Variants in ECM2 observed in about 807,000 individuals in gnomAD.
ECM2 encodes the protein extracellular matrix protein 2, also known as extracellular matrix protein 2, female organ and adipocyte specific.
In ECM2, 57 loss-of-function variants were observed where a neutral mutation model predicts 67.5. The ratio of observed to expected loss-of-function variants is 0.84; its 90% confidence interval spans 0.68 to 1.05. ECM2 has a LOEUF of 1.05. ECM2 is among the 50% of genes least tolerant of loss of function. ECM2 has a pLI of 0.00. For synonymous variants in ECM2, 258 were observed against 294.5 expected, an observed-to-expected ratio of 0.88 and a Z score of 1.27; for missense variants, 741 against 822.8, an observed-to-expected ratio of 0.90 and a Z score of 1.22.
chr9:92,552,001 T>C, the ECM2 span, among the ~76,000 whole-genome samples: 6 of 141,218 alleles, frequency 4.2e-5, no homozygotes, highest in Admixed American at 4.3e-4. Context: ...GTGATATATA[T>C]GTGTATATAT....
the ECM2 span, among the ~76,000 whole-genome samples, chr9:92,558,143 A>G: frequency 6.6e-6 from 1 of 152,090 alleles, no homozygotes; most frequent in Non-Finnish European, 1.5e-5. Flanking sequence ...TTTCAGATAA[A>G]TCACAGATTT....
the ECM2 span, among the ~76,000 whole-genome samples, chr9:92,545,521 T>G: frequency 8.0e-6 from 1 of 125,730 alleles, no homozygotes; most frequent in Admixed American, 7.9e-5. Context: ...CCGCCAAGAC[T>G]GAGCCTCCCG....
At chr9:92,552,163 TATATGTGATATGATAGATCTATCATATAC>T in the ECM2 span, among the ~76,000 whole-genome samples, 1 of 136,870 alleles carries the variant, frequency 7.3e-6, no homozygotes, top group Non-Finnish European at 1.6e-5. Flanking sequence ...ATCTATCATA[TATATGTGATATGATAGATCTATCATATAC>T]ACACACACAC....
At chr9:92,526,274 T>C (rs1210784577) in intron 1 of ECM2, among the ~76,000 whole-genome samples, 1 of 152,204 alleles carries the variant, frequency 6.6e-6, no homozygotes, top group African/African-American at 2.4e-5. Context: ...GAAAAAAGCT[T>C]ACAAAATTAC....
chr9:92,520,577 T>A (rs1048770618), intron 2 of ECM2, among the ~76,000 whole-genome samples: 4 of 152,138 alleles, frequency 2.6e-5, no homozygotes, highest in African/African-American at 9.7e-5. Flanking sequence ...AATATAGAAT[T>A]ACCAAATGGC....
the ECM2 span, among the ~76,000 whole-genome samples, chr9:92,553,408 T>A: frequency 6.6e-6 from 1 of 152,220 alleles, no homozygotes; most frequent in Non-Finnish European, 1.5e-5. Flanking sequence ...TGGTTACATA[T>A]GAATTTTAGA....
At chr9:92,539,344 C>CCCCCCCACCCCCCA (rs1849263403), upstream of ECM2, among the ~76,000 whole-genome samples, 22 of 126,344 alleles carry the variant, frequency 1.7e-4, no homozygotes, top group African/African-American at 6.1e-4. Context: ...CCTTCCCCCG[C>CCCCCCCACCCCCCA]TCCCCCACCC....
In ECM2 at chr9:92,514,724, A is replaced by G. The variant is rs761287103; in HGVS notation, c.961T>C (p.Ser321Pro). ...CAGCTGATGGTCCTGTAGGACAGAG[A>G]GCACCCGCTTGGCAGGCGCAGTGTG... ...RGTLRLPSGC[S>P]LSYRTISCIN... is the part of the protein sequence containing the mutation. Residue 321 changes from serine to proline, a missense_variant, in exon 4 of 10, where the codon TCT becomes CCT. Coordinates refer to ENST00000344604, the MANE Select transcript of ECM2 (RefSeq NM_001393.4). 9 of 1,607,786 alleles carry G rather than the reference A, an allele frequency of 5.6e-6. No individual in the cohort carries two copies. Among genetic ancestry groups the G allele is most frequent in the Non-Finnish European group, 7.7e-6 (9 of 1,174,432 alleles).
At chr9:92,504,994 T>C (rs1846911473) in intron 7 of ECM2, among the ~76,000 whole-genome samples, 1 of 152,212 alleles carries the variant, frequency 6.6e-6, no homozygotes, top group East Asian at 1.9e-4. Context: ...GGCCTGGAGT[T>C]AGTCACAGGA....
chr9:92,549,588 A>G, the ECM2 span, among the ~76,000 whole-genome samples: 5 of 151,154 alleles, frequency 3.3e-5, no homozygotes, highest in East Asian at 9.8e-4. Flanking sequence ...CAAAGGTTAC[A>G]GTGAGCCAAG....
the ECM2 span, among the ~76,000 whole-genome samples, chr9:92,551,176 G>T: frequency 6.6e-6 from 1 of 152,122 alleles, no homozygotes; most frequent in Non-Finnish European, 1.5e-5. Context: ...TCTTGTCCAG[G>T]TTTAAGTGTG....
downstream of ECM2, chr9:92,494,173 T>C (rs767739949): frequency 1.3e-5 from 20 of 1,592,800 alleles, no homozygotes; most frequent in Non-Finnish European, 1.7e-5. Flanking sequence ...GAGTAAGAAA[T>C]GAATGAATGA....
At chr9:92,553,475 G>A in the ECM2 span, among the ~76,000 whole-genome samples, 1 of 152,058 alleles carries the variant, frequency 6.6e-6, no homozygotes, top group Non-Finnish European at 1.5e-5. Flanking sequence ...GGATTGCGTT[G>A]AATTTGTAGA....
chr9:92,541,417 T>TC (rs1270530517), upstream of ECM2, among the ~76,000 whole-genome samples: 54 of 22,342 alleles, frequency 2.4e-3, 1 homozygote, highest in East Asian at 0.01. Flanking sequence ...CCCTTCCCCC[T>TC]CCCCACCCCG....
At chr9:92,545,529 C>A in the ECM2 span, among the ~76,000 whole-genome samples, 1 of 83,010 alleles carries the variant, frequency 1.2e-5, no homozygotes, top group Non-Finnish European at 2.1e-5. Context: ...ACTGAGCCTC[C>A]CGCCCCGCCG....
At chr9:92,507,218 A>C (rs976401089) in intron 6 of ECM2, among the ~76,000 whole-genome samples, 2 of 152,228 alleles carry the variant, frequency 1.3e-5, no homozygotes, top group Non-Finnish European at 1.5e-5. Context: ...GCTGAGCAAC[A>C]GGAAGTAGCC....
At chr9:92,542,055 G>A in the ECM2 span, among the ~76,000 whole-genome samples, 1 of 152,150 alleles carries the variant, frequency 6.6e-6, no homozygotes, top group Admixed American at 6.5e-5. Flanking sequence ...GCCTCCCAAA[G>A]TGCTGGGATT....
chr9:92,533,775 C>T (rs180708423), intron 1 of ECM2, among the ~76,000 whole-genome samples: 7 of 152,178 alleles, frequency 4.6e-5, no homozygotes, highest in East Asian at 3.9e-4. Context: ...AACAGAATTA[C>T]GGTTTCAAAA....
intron 1 of ECM2, among the ~76,000 whole-genome samples, chr9:92,527,680 G>A (rs1337237251): frequency 6.6e-6 from 1 of 152,100 alleles, no homozygotes; most frequent in Admixed American, 6.5e-5. Flanking sequence ...AAGCCACAGT[G>A]TCTACCACCC....
Sources: gnomAD v4.1 joint callset for allele counts (sites outside exome capture counted in the v4.1 genomes callset) on GRCh38, gnomAD v4.1.1 for gene constraint, MANE v1.5 for transcripts, NCBI Gene and HGNC (gene_info 2026-07-23, HGNC 2026-07-21) for gene names.